The following SPAG9 variants were observed in gnomAD, a reference collection of about 807,000 sequenced individuals.
The protein encoded by SPAG9 is sperm associated antigen 9.
In SPAG9, 35 loss-of-function variants were observed where a neutral mutation model predicts 166.5. The ratio of observed to expected loss-of-function variants is 0.21; its 90% CI spans 0.16 to 0.28. The LOEUF is 0.28. SPAG9 is among the 10% of genes least tolerant of loss of function. The pLI is 1.00. For missense variants in SPAG9, 1,235 were observed against 1,603.3 expected (o/e 0.77, Z 3.92); for synonymous variants, 534 against 565.5 (o/e 0.94, Z 0.79).
intron 14 of SPAG9, 97 bp downstream of exon 14, chr17:50,999,564 G>C: frequency 7.1e-7 from 1 of 1,408,966 alleles, no homozygotes; most frequent in Non-Finnish European, 9.6e-7. Context: ...AAAAATGAAG[G>C]AAAGAAAATG....
At chr17:50,970,673 A>C in intron 29 of SPAG9, 34 bp downstream of exon 29, 4 of 1,593,240 alleles carry the variant, frequency 2.5e-6, no homozygotes, top group Non-Finnish European at 3.4e-6. Flanking sequence ...CATAGCACAC[A>C]GTGCAAACTG....
intron 1 of SPAG9, among the ~76,000 whole-genome samples, chr17:51,080,642 C>T (rs370066916): frequency 6.6e-6 from 1 of 151,764 alleles, no homozygotes; most frequent in East Asian, 1.9e-4. Flanking sequence ...TAGCACTTTG[C>T]GAGGCTGAGG....
At chr17:51,009,377 T>A (rs1449390685) in intron 9 of SPAG9, among the ~76,000 whole-genome samples, 1 of 152,178 alleles carries the variant, frequency 6.6e-6, no homozygotes, top group African/African-American at 2.4e-5. Flanking sequence ...AAGTTTACAT[T>A]AGCCATGAAG....
At chr17:50,975,483 G>A (rs539879760) in intron 27 of SPAG9, 25 of 248,514 alleles carry the variant, frequency 1.0e-4, no homozygotes, top group Non-Finnish European at 1.6e-4. Context: ...GGTGTGCTGC[G>A]TACTGTAAAA....
rs112140404 is a variant in SPAG9 at position 50,997,655 on chromosome 17, C to T, written c.1838+789G>A. On this transcript the variant is annotated intron_variant, in intron 15 of 29. Coordinates refer to ENST00000262013, the MANE Select transcript of SPAG9 (RefSeq NM_001130528.3). ...ATCTACCTATATGTCAGATACTTTACAGATAACTGTATAATTGGGTCCAAT... is the reference window on the plus strand; with the variant it reads ...ATCTACCTATATGTCAGATACTTTATAGATAACTGTATAATTGGGTCCAAT... Among the ~76,000 whole-genome samples the T allele has an allele frequency of 7.1e-3, 1,084 of 152,194 alleles. 16 individuals are homozygous for T. Among genetic ancestry groups the T allele is most frequent in the African/African-American group, 0.024 (1,009 of 41,516 alleles).
chr17:51,010,151 T>C (rs767813268), intron 9 of SPAG9, among the ~76,000 whole-genome samples: 4 of 152,160 alleles, frequency 2.6e-5, no homozygotes, highest in Non-Finnish European at 4.4e-5. Context: ...ATAGATGAGC[T>C]TCAGAGTTAT....
rs534813842 is a variant in SPAG9 at position 50,994,431 on chromosome 17, C to A, written c.2227-496G>T. Among the ~76,000 whole-genome samples the A allele has an allele frequency of 2.6e-5, 4 of 152,226 alleles. No homozygotes were observed. The East Asian group carries it at 7.7e-4, about 29-fold the overall frequency. On this transcript the variant is annotated intron_variant, in intron 18 of 29. Coordinates refer to ENST00000262013, the MANE Select transcript of SPAG9 (RefSeq NM_001130528.3). ...GTGTGAATATAGACTAATACAACCA[C>A]CTATCAATATTAATTAGTAGATGAA...
At chr17:51,035,316 G>A (rs1203199260) in intron 5 of SPAG9, among the ~76,000 whole-genome samples, 1 of 152,074 alleles carries the variant, frequency 6.6e-6, no homozygotes, top group Non-Finnish European at 1.5e-5. Flanking sequence ...TAACATCAGG[G>A]GATGCTGCGT....
In SPAG9 at chr17:51,081,880, C is replaced by G. The variant is rs559867213; in HGVS notation, c.304-2176G>C. On this transcript the variant is annotated intron_variant, in intron 1 of 29. Transcript: ENST00000262013. ...TTCTTTGACATCATCCCCTACTTCT[C>G]TTCCTACCCTCTTCTCCTTCCCATT... is the stretch of plus-strand genomic sequence containing the variant. Among the ~76,000 whole-genome samples, 6 of 152,262 alleles carry G rather than the reference C, an allele frequency of 3.9e-5. No individual in the cohort carries two copies. In the South Asian group the frequency reaches 1.2e-3, roughly 32 times the overall value.
intron 28 of SPAG9, among the ~76,000 whole-genome samples, chr17:50,973,761 G>A (rs914637543): frequency 6.6e-6 from 1 of 152,144 alleles, no homozygotes; most frequent in African/African-American, 2.4e-5. Flanking sequence ...GAAAGCCTTA[G>A]AAGAAAAAGA....
chr17:51,037,685 A>ATATATATATATAGTGTGTGT, intron 5 of SPAG9, among the ~76,000 whole-genome samples: 8 of 83,492 alleles, frequency 9.6e-5, no homozygotes, highest in African/African-American at 3.1e-4. Context: ...ATATATATAT[A>ATATATATATATAGTGTGTGT]GTGTGTGTGT....
chr17:51,061,669 T>A (rs9303571), intron 2 of SPAG9, among the ~76,000 whole-genome samples: 1 of 129,824 alleles, frequency 7.7e-6, no homozygotes, highest in Non-Finnish European at 1.6e-5. Context: ...TAACAGAATA[T>A]ACCATTAATT....
intron 3 of SPAG9, among the ~76,000 whole-genome samples, 171 bp from the exon 4 acceptor site, chr17:51,047,640 C>CAA (rs1169645364): frequency 6.8e-6 from 1 of 146,604 alleles, no homozygotes; most frequent in Admixed American, 6.8e-5. Context: ...AAGTAATATG[C>CAA]AAATGCTTAC....
chr17:51,078,480 G>A (rs561525861), intron 2 of SPAG9, among the ~76,000 whole-genome samples: 1 of 152,142 alleles, frequency 6.6e-6, no homozygotes, highest in South Asian at 2.1e-4. Flanking sequence ...GCCTTCATGA[G>A]TAATGTGGAT....
intron 4 of SPAG9, among the ~76,000 whole-genome samples, chr17:51,044,201 A>G (rs576186512): frequency 1.3e-4 from 20 of 152,312 alleles, no homozygotes; most frequent in Middle Eastern, 6.8e-3. Context: ...TAATTAGGCA[A>G]GTTCATGAGA....
chr17:51,080,045 A>G (rs1330163722), intron 1 of SPAG9, among the ~76,000 whole-genome samples: 1 of 152,192 alleles, frequency 6.6e-6, no homozygotes, highest in East Asian at 1.9e-4. Flanking sequence ...TAGAGAACAA[A>G]AGAATGATGG....
intron 5 of SPAG9, 72 bp downstream of exon 5, chr17:51,041,429 T>C: frequency 7.1e-7 from 1 of 1,417,694 alleles, no homozygotes; most frequent in Non-Finnish European, 9.7e-7. Context: ...ACTGTGGTCG[T>C]CTAGCACTTC....
chr17:51,070,708 AC>A (rs1021115170), intron 2 of SPAG9, among the ~76,000 whole-genome samples: 28 of 152,202 alleles, frequency 1.8e-4, no homozygotes, highest in Non-Finnish European at 1.0e-4. Flanking sequence ...AAGAAAAAAA[AC>A]AATTTAAATA....
intron 1 of SPAG9, among the ~76,000 whole-genome samples, chr17:51,088,849 C>A (rs1226646700): frequency 1.3e-5 from 2 of 151,658 alleles, no homozygotes; most frequent in Non-Finnish European, 2.9e-5. Context: ...AATCCCAGCA[C>A]TTTGGGAGGC....
Sources: allele counts gnomAD v4.1 joint callset (sites outside exome capture counted in the v4.1 genomes callset), GRCh38; gene constraint gnomAD v4.1.1; transcripts MANE v1.5; gene names NCBI Gene and HGNC (gene_info 2026-07-23, HGNC 2026-07-21).